MAST1: variants seen among roughly 807,000 people sequenced by gnomAD.
MAST1 encodes microtubule-associated serine/threonine-protein kinase 1.
Under a neutral mutation model 124.6 loss-of-function variants are expected in MAST1, and 40 were observed. That is an observed-to-expected ratio of 0.32 (90% CI 0.25 to 0.42). The LOEUF is 0.42. Among genes scored for constraint, MAST1 ranks in the 10% least tolerant of loss-of-function variants. The pLI is 1.00. For missense variants in MAST1, 1,558 were observed against 2,181.9 expected, an observed-to-expected ratio of 0.71 and a Z score of 5.70; for synonymous variants, 938 against 939.4, an observed-to-expected ratio of 1.00 and a Z score of 0.03.
chr19:12,852,001 T>A lies in MAST1; in HGVS notation c.842T>A (p.Ile281Asn), dbSNP rs755209133. The change falls in exon 8 of 26, where the codon ATC becomes AAC. Residue 281 changes from isoleucine (I) to asparagine (N), a missense_variant. Physicochemically the swap from Ile to Asn is moderately radical, Grantham distance 149. Around this residue, in one of 10 missense-constraint regions of MAST1, gnomAD observed 165 missense variants for 315.3 expected, o/e 0.52. Coordinates refer to ENST00000251472, the MANE Select transcript of MAST1 (RefSeq NM_014975.3). Reference sequence around the variant, plus strand: ...CAGCTGGTGAAGAAGTTGCTTATTATCATCTCACGCCCTGCGAGGCTGCTG... The same window carrying A: ...CAGCTGGTGAAGAAGTTGCTTATTAACATCTCACGCCCTGCGAGGCTGCTG... ...VTQLVKKLLIIISRPARLLEC... is the reference protein window; with the variant it reads ...VTQLVKKLLINISRPARLLEC... 2 of 1,614,066 alleles carry A rather than the reference T, an allele frequency of 1.2e-6. No homozygotes were observed. The highest frequency in any genetic ancestry group is 1.7e-6 in the Non-Finnish European group (2 of 1,180,022).
chr19:12,860,306 C>G (rs1004700583), intron 12 of MAST1, among the ~76,000 whole-genome samples: 1 of 151,236 alleles, frequency 6.6e-6, no homozygotes, highest in Non-Finnish European at 1.5e-5. Flanking sequence ...TTAGTAGAGA[C>G]GGGGTTTCAC....
At position 12,858,349 on chromosome 19, in the gene MAST1, C is replaced by CT; in HGVS notation, c.1078-8dup. 6.2e-7 allele frequency: 1 copy of CT among 1,609,694 alleles called. No homozygotes were observed. Among genetic ancestry groups the CT allele is most frequent in the Non-Finnish European group, 8.5e-7 (1 of 1,177,196 alleles). On this transcript the variant is annotated splice_polypyrimidine_tract_variant and intron_variant, in intron 10 of 25. Transcript: ENST00000251472. The stretch of plus-strand genomic sequence containing the variant: ...ATGATGATGGTGGTGTGGTCTCCAT[C>CT]TTTTTCCTGAAGGGCCGCAGCAGCA...
chr19:12,841,519 C>T lies in MAST1; in HGVS notation c.248+453C>T. Among the ~76,000 whole-genome samples the T allele has an allele frequency of 6.6e-6, 1 of 152,194 alleles. No individual in the cohort carries two copies. The highest frequency in any genetic ancestry group is 1.9e-4 in the East Asian group (1 of 5,198). ...ATCTCAGGTTTCTTTCCAAGGGTCT[C>T]TTAGGGTTTCTGGGGTGTCCTTAAA... On this transcript the variant is annotated intron_variant, in intron 3 of 25. Transcript: ENST00000251472. This position sits in a 1 kb window ranked among gnomAD's most constrained non-coding sequence, Gnocchi z 4.3.
At chr19:12,852,434 T>TCCCAGGAACCA in intron 10 of MAST1, 39 bp downstream of exon 10, 1 of 1,403,286 alleles carries the variant, frequency 7.1e-7, no homozygotes, top group Non-Finnish European at 1.0e-6. Flanking sequence ...CCCTGGTTCC[T>TCCCAGGAACCA]GGGAGGGCAG....
chr19:12,852,258 G>A lies in MAST1; in HGVS notation c.1009+11G>A, dbSNP rs754007100. 2 of 1,614,052 alleles carry A rather than the reference G, an allele frequency of 1.2e-6. No homozygotes were observed. The highest frequency in any genetic ancestry group is 2.2e-5 in the South Asian group (2 of 91,086). On this transcript the variant is annotated intron_variant, in intron 9 of 25. Transcript: ENST00000251472. Reference sequence around the variant, plus strand: ...GTGACCCCTTTCCAGGTGCCGGCTGGTGGGCGCAGGGGGACTGGGGGTGAG... The same window carrying A: ...GTGACCCCTTTCCAGGTGCCGGCTGATGGGCGCAGGGGGACTGGGGGTGAG...
chr19:12,851,290 G>GTC (rs201261537), intron 7 of MAST1, among the ~76,000 whole-genome samples: 6,710 of 147,758 alleles, frequency 0.045, 180 homozygotes, highest in African/African-American at 0.074. Flanking sequence ...TTGAGACAGG[G>GTC]TCTCTCTCTC....
chr19:12,855,358 A>G (rs1222162233), intron 10 of MAST1, among the ~76,000 whole-genome samples: 1 of 152,190 alleles, frequency 6.6e-6, no homozygotes, highest in East Asian at 1.9e-4. Context: ...GTAGTGGCTC[A>G]TGCCTGTAGT....
At chr19:12,839,133 G>A (rs1599574101) in intron 1 of MAST1, among the ~76,000 whole-genome samples, 1 of 132,526 alleles carries the variant, frequency 7.5e-6, no homozygotes, top group Admixed American at 8.2e-5. Context: ...GTAGAAAAAA[G>A]GGGGGGTTTA....
intron 11 of MAST1, 34 bp from the exon 12 acceptor site, chr19:12,858,497 G>T: frequency 6.2e-7 from 1 of 1,612,218 alleles, no homozygotes; most frequent in Non-Finnish European, 8.5e-7. Context: ...GTGTCTCGGA[G>T]GTGACGGCCG....
At chr19:12,869,004 C>T in intron 21 of MAST1, 62 bp from the exon 22 acceptor site, 1 of 1,564,624 alleles carries the variant, frequency 6.4e-7, no homozygotes, top group Non-Finnish European at 8.8e-7. Context: ...GAGGGAGGAG[C>T]AGATACAGGG....
At chr19:12,840,755 C>A (rs754891057) in intron 2 of MAST1, among the ~76,000 whole-genome samples, 20 of 151,442 alleles carry the variant, frequency 1.3e-4, no homozygotes, top group Non-Finnish European at 2.4e-4. Flanking sequence ...GTGGGACGGA[C>A]AGAAAGGAGG....
chr19:12,867,395 G>A (rs1330462563), intron 18 of MAST1, 79 bp from the exon 19 acceptor site: 6 of 1,532,052 alleles, frequency 3.9e-6, no homozygotes, highest in Admixed American at 1.7e-5. Flanking sequence ...TTTTGCGGGG[G>A]ATCCACTGCC....
chr19:12,852,125 C>T lies in MAST1; in HGVS notation c.887C>T (p.Pro296Leu). 6.2e-7 allele frequency: 1 copy of T among 1,613,866 alleles called. No individual in the cohort carries two copies. The highest frequency in any genetic ancestry group is 8.5e-7 in the Non-Finnish European group (1 of 1,179,902). Residue 296 changes from proline to leucine, a missense_variant, in exon 9 of 26, where the codon CCC (proline) becomes CTC (leucine). By Grantham distance (98) the Pro-to-Leu change is moderately conservative (BLOSUM62 -3). This residue lies in a region of MAST1 where 165 missense variants were observed against 315.3 expected (regional missense o/e 0.52). Transcript: ENST00000251472. ...CCTGCCCTGCCTCAGGAATTCAACCCCGAGGAGTTCTACCACCTGCTGGAG... is the reference window on the plus strand; with the variant it reads ...CCTGCCCTGCCTCAGGAATTCAACCTCGAGGAGTTCTACCACCTGCTGGAG... ...ARLLECLEFNPEEFYHLLEAA... is the reference protein window; with the variant it reads ...ARLLECLEFNLEEFYHLLEAA...
In MAST1 at chr19:12,867,472, A is replaced by G; in HGVS notation, c.2140-2A>G. On this transcript the variant is annotated splice_acceptor_variant, in intron 18 of 25. Coordinates refer to ENST00000251472, the MANE Select transcript of MAST1 (RefSeq NM_014975.3). LOFTEE classifies it high-confidence loss of function. The stretch of plus-strand genomic sequence containing the variant: ...GGACTTGCCTCCCACCACCACCTAC[A>G]GGTGTATAGCAGCATGGAGCAGCTG... The G allele has an allele frequency of 6.2e-7, 1 of 1,613,010 alleles. No individual in the cohort carries two copies. Among genetic ancestry groups the G allele is most frequent in the Non-Finnish European group, 8.5e-7 (1 of 1,179,932 alleles).
In MAST1 at chr19:12,847,516, C is replaced by G. The variant is rs1424857236; in HGVS notation, c.488+66C>G. ...CTTAGGACTTGTGCTTAGAGAGACCCCTGTCCCCGCGAATAAAAGGGTTAC... is the reference window on the plus strand; with the variant it reads ...CTTAGGACTTGTGCTTAGAGAGACCGCTGTCCCCGCGAATAAAAGGGTTAC... On this transcript the variant is annotated intron_variant, in intron 5 of 25. Coordinates refer to ENST00000251472, the MANE Select transcript of MAST1 (RefSeq NM_014975.3). This position sits in a 1 kb window ranked among gnomAD's most constrained non-coding sequence, Gnocchi z 5.5. 7 of 1,610,608 alleles carry G rather than the reference C, an allele frequency of 4.3e-6. No individual in the cohort carries two copies. The East Asian group carries it at 1.6e-4, about 36-fold the overall frequency.
chr19:12,847,346 C>T lies in MAST1; in HGVS notation c.384C>T (p.Asp128=). ...AGCTGCCCTACCAGCCCACGGTGGA[C>T]GAGCTCCACTTCCTCTCCAAACACT... ...LHQLPYQPTV[D]ELHFLSKHFG... The change falls in exon 5 of 26, where the codon GAC becomes GAT. Residue 128 remains aspartate (D), a synonymous_variant. Coordinates refer to ENST00000251472, the MANE Select transcript of MAST1 (RefSeq NM_014975.3). The surrounding 1 kb of genome is among the most constrained non-coding windows in gnomAD (Gnocchi z 5.5). 6.2e-7 allele frequency: 1 copy of T among 1,613,994 alleles called. No homozygotes were observed.
At position 12,843,512 on chromosome 19, in the gene MAST1, C is replaced by T. The variant is rs755473522; in HGVS notation, c.249-17C>T. 6.2e-7 allele frequency: 1 copy of T among 1,611,906 alleles called. No homozygotes were observed. Among genetic ancestry groups the T allele is most frequent in the Non-Finnish European group, 8.5e-7 (1 of 1,178,922 alleles). ...GCTGGGGCCTTGTGGCCTCTGAGCA[C>T]CTTGGCTGGGTTCCAGGGCGGACGG... On this transcript the variant is annotated splice_polypyrimidine_tract_variant and intron_variant, in intron 3 of 25. Coordinates refer to ENST00000251472, the MANE Select transcript of MAST1 (RefSeq NM_014975.3). This position sits in a 1 kb window ranked among gnomAD's most constrained non-coding sequence, Gnocchi z 4.9.
intron 24 of MAST1, 54 bp from the exon 25 acceptor site, chr19:12,873,270 C>T (rs1970261103): frequency 5.8e-6 from 9 of 1,557,076 alleles, no homozygotes; most frequent in Non-Finnish European, 8.8e-7. Flanking sequence ...ATGGGAGGAG[C>T]CCTGAGCTCT....
In MAST1 at chr19:12,865,474, C is replaced by T; in HGVS notation, c.1797C>T (p.Val599=). The T allele has an allele frequency of 6.3e-7, 1 of 1,582,904 alleles. No homozygotes were observed. The highest frequency in any genetic ancestry group is 8.6e-7 in the Non-Finnish European group (1 of 1,165,630). ...CACCAGAGGAGCTATTTGGACAGGT[C>T]ATCAGTGGTACGTGGCTTGGCAGTG... is the stretch of plus-strand genomic sequence containing the variant. ...GDTPEELFGQ[V]ISDDILWPEG... The change falls in exon 15 of 26, where the codon GTC becomes GTT. Residue 599 remains valine, a synonymous_variant. Transcript: ENST00000251472. This position sits in a 1 kb window ranked among gnomAD's most constrained non-coding sequence, Gnocchi z 7.1.
Sources: gnomAD v4.1 joint callset for allele counts (sites outside exome capture counted in the v4.1 genomes callset) on GRCh38, gnomAD v4.1.1 for gene constraint, gnomAD v4.1.1 regional missense constraint, Gnocchi (gnomAD v3.1) non-coding constraint, MANE v1.5 for transcripts, NCBI Gene and HGNC (gene_info 2026-07-23, HGNC 2026-07-21) for gene names.